The following PABPC1 variants were observed in gnomAD, a reference collection of about 807,000 sequenced individuals.
The protein encoded by PABPC1 is poly(A) binding protein cytoplasmic 1, also known as polyadenylate-binding protein 1.
PABPC1 carries 4 observed loss-of-function variants against 74.0 expected under a neutral mutation model. The ratio of observed to expected loss-of-function variants is 0.05; its 90% CI spans 0.03 to 0.12. The LOEUF (loss-of-function observed/expected upper bound fraction) is 0.12. Among genes scored for constraint, PABPC1 ranks in the 10% least tolerant of loss-of-function variants. PABPC1 has a pLI of 1.00. For missense variants in PABPC1, 271 were observed against 821.1 expected (o/e 0.33, Z 8.19); for synonymous variants, 227 against 264.1 (o/e 0.86, Z 1.36).
chr8:100,709,421 G>A (rs758851739), intron 8 of PABPC1, 38 bp downstream of exon 8: 8 of 1,608,956 alleles, frequency 5.0e-6, no homozygotes, highest in Non-Finnish European at 6.8e-6. Context: ...GACCAAATAC[G>A]AAAACCTTCA....
intron 9 of PABPC1, among the ~76,000 whole-genome samples, chr8:100,707,964 C>T (rs947884863): frequency 8.5e-5 from 13 of 152,226 alleles, no homozygotes; most frequent in Non-Finnish European, 1.5e-4. Flanking sequence ...GGTCACTTCT[C>T]ACTATGTCCC....
intron 11 of PABPC1, among the ~76,000 whole-genome samples, 174 bp from the exon 12 acceptor site, chr8:100,705,847 G>A (rs531200684): frequency 2.6e-5 from 4 of 152,292 alleles, no homozygotes; most frequent in Admixed American, 6.5e-5. Flanking sequence ...ATGTATCACA[G>A]ATACATTTTT....
rs35477078 is a variant in PABPC1, at chr8:100,704,280, C to T, written c.*1+17G>A. 5.8e-3 allele frequency: 9,147 copies of T among 1,589,244 alleles called. 35 individuals carry two copies. Among genetic ancestry groups the T allele is most frequent in the Non-Finnish European group, 7.3e-3 (8,465 of 1,157,850 alleles). ...AGAAAACAAGCTTAAAACAACAAAC[C>T]AGAGGGAAAAGCTCACTTTAAACAG... On this transcript the variant is annotated intron_variant, in intron 14 of 14. Coordinates refer to ENST00000318607, the MANE Select transcript of PABPC1 (RefSeq NM_002568.4).
rs1279257867 is a variant in PABPC1 at position 100,712,225 on chromosome 8, C to T, written c.972+137G>A. On this transcript the variant is annotated intron_variant, in intron 7 of 14. Coordinates refer to ENST00000318607, the MANE Select transcript of PABPC1 (RefSeq NM_002568.4). ...AACCATTAGGCTATGACAACCAGTTCAAATGTGAATTTAAGTTTTAGAAGT... is the reference window on the plus strand; with the variant it reads ...AACCATTAGGCTATGACAACCAGTTTAAATGTGAATTTAAGTTTTAGAAGT... 8.6e-6 allele frequency: 5 copies of T among 579,230 alleles called. No individual in the cohort carries two copies. The East Asian group carries it at 1.5e-4, about 17-fold the overall frequency. The allele number at this position is 579,230 out of a possible 1,614,324, so 35.9% of individuals were successfully genotyped here.
chr8:100,709,410 T>C (rs760154894), intron 8 of PABPC1, 49 bp downstream of exon 8: 9 of 1,606,164 alleles, frequency 5.6e-6, no homozygotes, highest in Non-Finnish European at 7.7e-6. Flanking sequence ...ACACTAGAAA[T>C]GACCAAATAC....
Position 100,706,740 on chromosome 8 carries a change from C to G in PABPC1, c.1513G>C (p.Val505Leu). 7.1e-7 allele frequency: 1 copy of G among 1,416,658 alleles called. No individual in the cohort carries two copies. Among genetic ancestry groups the G allele is most frequent in the Non-Finnish European group, 9.6e-7 (1 of 1,039,768 alleles). 87.8% of individuals were successfully genotyped at this position (1,416,658 alleles called of 1,614,324 possible). The change falls in exon 11 of 15, where the codon GTC (valine) becomes CTC (leucine). Residue 505 changes from valine (V) to leucine (L), a missense_variant. Val to Leu is a conservative substitution (Grantham distance 32). Coordinates refer to ENST00000318607, the MANE Select transcript of PABPC1 (RefSeq NM_002568.4). Reference sequence around the variant, plus strand: ...TATTTATACTGTGGAACGGTGCGGACAGCAGGAGTAGCTGCAGCGGCTGCA... The same window carrying G: ...TATTTATACTGTGGAACGGTGCGGAGAGCAGGAGTAGCTGCAGCGGCTGCA... ...AAAAAAATPA[V>L]RTVPQYKYAA...
intron 8 of PABPC1, 48 bp downstream of exon 8, chr8:100,709,411 G>C (rs2129696869): frequency 6.2e-7 from 1 of 1,605,314 alleles, no homozygotes; most frequent in Non-Finnish European, 8.5e-7. Context: ...CACTAGAAAT[G>C]ACCAAATACG....
At chr8:100,714,960 C>T (rs1345656886) in intron 4 of PABPC1, among the ~76,000 whole-genome samples, 2 of 152,110 alleles carry the variant, frequency 1.3e-5, no homozygotes, top group Admixed American at 6.5e-5. Flanking sequence ...CTTTGAATCA[C>T]TGGAAAATCT....
intron 3 of PABPC1, among the ~76,000 whole-genome samples, chr8:100,716,176 G>C (rs1253063243): frequency 6.6e-6 from 1 of 152,178 alleles, no homozygotes; most frequent in African/African-American, 2.4e-5. Context: ...GGCCAAGGTG[G>C]GATGATCACT....
At chr8:100,718,804 T>C (rs975002913) in intron 1 of PABPC1, among the ~76,000 whole-genome samples, 3 of 152,156 alleles carry the variant, frequency 2.0e-5, no homozygotes, top group Non-Finnish European at 2.9e-5. Flanking sequence ...AAAATGAAAG[T>C]TTCTTAATTA....
At position 100,712,663 on chromosome 8, in the gene PABPC1, T is replaced by A; in HGVS notation, c.865A>T (p.Thr289Ser). ...AATTAAAAATGAACCTGGTATCTGG[T>A]GATCCTATCTTGTTTCATCTGTTCA... Reference protein sequence around the residue: ...KFEQMKQDRITRYQGVNLYVK... With the variant: ...KFEQMKQDRISRYQGVNLYVK... The change falls in exon 6 of 15, where the codon ACC becomes TCC. Residue 289 changes from threonine to serine, a missense_variant. Thr to Ser is a moderately conservative substitution (Grantham distance 58). Around this residue, in one of 7 missense-constraint regions of PABPC1, gnomAD observed 78 missense variants for 202.8 expected, o/e 0.38. Coordinates refer to ENST00000318607, the MANE Select transcript of PABPC1 (RefSeq NM_002568.4). 1 of 1,602,210 alleles carries A rather than the reference T, an allele frequency of 6.2e-7. No individual in the cohort carries two copies.
In PABPC1 at chr8:100,721,008, TG is replaced by T. The variant is rs1275255085; in HGVS notation, c.193+382del. Among the ~76,000 whole-genome samples the T allele has an allele frequency of 2.6e-5, 4 of 151,916 alleles. No homozygotes were observed. Among genetic ancestry groups the T allele is most frequent in the African/African-American group, 7.3e-5 (3 of 41,284 alleles). On this transcript the variant is annotated intron_variant, in intron 1 of 14. Coordinates refer to ENST00000318607, the MANE Select transcript of PABPC1 (RefSeq NM_002568.4). This position sits in a 1 kb window ranked among gnomAD's most constrained non-coding sequence, Gnocchi z 7.4. ...GGGCGCCGGCAGGAGCTCCGGGTGG[TG>T]GGAGCGCCTCCACCTCTTACCCACG...
At chr8:100,704,888 C>G (rs748371822) in intron 13 of PABPC1, 38 bp downstream of exon 13, 17 of 1,607,814 alleles carry the variant, frequency 1.1e-5, no homozygotes, top group Non-Finnish European at 1.4e-5. Flanking sequence ...CACGTAATAA[C>G]TGTGTAAGAG....
Position 100,704,282 on chromosome 8 carries a change from G to C in PABPC1, c.*1+15C>G. 2 of 1,591,594 alleles carry C rather than the reference G, an allele frequency of 1.3e-6. No individual in the cohort carries two copies. On this transcript the variant is annotated intron_variant, in intron 14 of 14. Transcript: ENST00000318607. ...AAAACAAGCTTAAAACAACAAACCA[G>C]AGGGAAAAGCTCACTTTAAACAGTT...
At chr8:100,712,275 G>C in intron 7 of PABPC1, 87 bp downstream of exon 7, 1 of 748,336 alleles carries the variant, frequency 1.3e-6, no homozygotes, top group Non-Finnish European at 2.2e-6. Context: ...CTCTCTAGTG[G>C]CTATAATAAT....
chr8:100,719,456 G>A (rs368135131), intron 1 of PABPC1, among the ~76,000 whole-genome samples: 21 of 149,130 alleles, frequency 1.4e-4, no homozygotes, highest in Middle Eastern at 3.5e-3. Context: ...CTATGAAATT[G>A]AAAACTGGTC....
intron 9 of PABPC1, among the ~76,000 whole-genome samples, chr8:100,708,203 G>A (rs1219580411): frequency 1.3e-5 from 2 of 152,094 alleles, no homozygotes; most frequent in African/African-American, 2.4e-5. Context: ...GTGGTTTGCC[G>A]CCCACACTTA....
intron 7 of PABPC1, among the ~76,000 whole-genome samples, chr8:100,711,800 C>T (rs1013035637): frequency 6.6e-6 from 1 of 152,210 alleles, no homozygotes; most frequent in Non-Finnish European, 1.5e-5. Flanking sequence ...TTTCTATGCA[C>T]TCTTCCCCAA....
chr8:100,712,352 G>T lies in PABPC1; in HGVS notation c.972+10C>A. The T allele has an allele frequency of 1.5e-6, 2 of 1,370,116 alleles. No homozygotes were observed. Among genetic ancestry groups the T allele is most frequent in the Non-Finnish European group, 2.0e-6 (2 of 986,576 alleles). 84.9% of individuals were successfully genotyped at this position (1,370,116 alleles called of 1,614,324 possible). The stretch of plus-strand genomic sequence containing the variant: ...TAGACCTCAAATAAATGAACCATAT[G>T]TTTTCTTACCTTTGCACTAGTGATT... On this transcript the variant is annotated intron_variant, in intron 7 of 14. Transcript: ENST00000318607.
Sources: gnomAD v4.1 joint callset for allele counts (sites outside exome capture counted in the v4.1 genomes callset) on GRCh38, gnomAD v4.1.1 for gene constraint, gnomAD v4.1.1 regional missense constraint, Gnocchi (gnomAD v3.1) non-coding constraint, MANE v1.5 for transcripts, NCBI Gene and HGNC (gene_info 2026-07-23, HGNC 2026-07-21) for gene names.